ABCA13: variants seen among roughly 807,000 people sequenced by gnomAD.
ABCA13 encodes the protein ATP binding cassette subfamily A member 13.
A neutral mutation model predicts 478.7 loss-of-function variants in ABCA13; 476 were observed. That is an observed-to-expected ratio of 0.99 (90% CI 0.92 to 1.07). The LOEUF (loss-of-function observed/expected upper bound fraction) is 1.07. Ranked by LOEUF, ABCA13 falls within the 50% of genes least tolerant of loss-of-function variation. ABCA13 has a pLI of 0.00. For synonymous variants in ABCA13, 2,252 were observed against 2,158.9 expected (o/e 1.04, Z -1.20); for missense variants, 6,060 against 5,910.6 (o/e 1.03, Z -0.83).
chr7:48,602,563 G>A (rs879079572), intron 58 of ABCA13, among the ~76,000 whole-genome samples: 1 of 152,118 alleles, frequency 6.6e-6, no homozygotes, highest in Non-Finnish European at 1.5e-5. Flanking sequence ...TGAGGCCTCT[G>A]TTCTGTTCCC....
At chr7:48,402,344 A>G (rs1270012653) in intron 38 of ABCA13, among the ~76,000 whole-genome samples, 1 of 152,204 alleles carries the variant, frequency 6.6e-6, no homozygotes, top group African/African-American at 2.4e-5. Flanking sequence ...TAAGTTTAAT[A>G]GATCGACCTC....
intron 41 of ABCA13, among the ~76,000 whole-genome samples, chr7:48,422,736 G>C (rs997260463): frequency 1.3e-5 from 2 of 152,236 alleles, no homozygotes; most frequent in Non-Finnish European, 2.9e-5. Flanking sequence ...ACTGAAGCCT[G>C]TAAGTGTTAC....
chr7:48,352,546 G>C, intron 31 of ABCA13, 59 bp downstream of exon 31: 3 of 1,454,666 alleles, frequency 2.1e-6, no homozygotes, highest in Non-Finnish European at 2.7e-6. Flanking sequence ...TTGTCTAGCT[G>C]AGGAGAGAAA....
At position 48,273,048 on chromosome 7, in the gene ABCA13, T is replaced by C; in HGVS notation, c.3382T>C (p.Phe1128Leu). 6.2e-7 allele frequency: 1 copy of C among 1,613,680 alleles called. No individual in the cohort carries two copies. Residue 1128 changes from phenylalanine to leucine, a missense_variant, in exon 17 of 62, where the codon TTT becomes CTT. By Grantham distance (22) the Phe-to-Leu change is conservative. Coordinates refer to ENST00000435803, the MANE Select transcript of ABCA13 (RefSeq NM_152701.5). ...SSFVFPLAQI[F>L]SNLSANVSVF... is the part of the protein sequence containing the mutation. ...ATTTGTTTTTCCATTGGCACAAATT[T>C]TTTCAAACCTCTCAGCAAATGTCAG...
intron 38 of ABCA13, among the ~76,000 whole-genome samples, chr7:48,395,566 C>A (rs1164280480): frequency 6.6e-6 from 1 of 152,180 alleles, no homozygotes; most frequent in African/African-American, 2.4e-5. Flanking sequence ...CTCTGCCTGA[C>A]CTGCCTCAAC....
chr7:48,175,640 A>G (rs1371873947), intron 1 of ABCA13, among the ~76,000 whole-genome samples: 1 of 152,120 alleles, frequency 6.6e-6, no homozygotes, highest in Admixed American at 6.5e-5. Context: ...AGGCTTGCCT[A>G]GAACTCCTGA....
chr7:48,258,797 T>G (rs1261653800), intron 15 of ABCA13, among the ~76,000 whole-genome samples: 2 of 152,150 alleles, frequency 1.3e-5, no homozygotes, highest in African/African-American at 4.8e-5. Flanking sequence ...GTCCCAGAGA[T>G]TCTTTGTTGT....
intron 47 of ABCA13, 29 bp from the exon 48 acceptor site, chr7:48,489,207 G>A (rs370427184): frequency 1.9e-6 from 3 of 1,541,862 alleles, no homozygotes; most frequent in Non-Finnish European, 2.7e-6. Flanking sequence ...AATTTCGTGA[G>A]AGCCATTAAA....
intron 48 of ABCA13, among the ~76,000 whole-genome samples, chr7:48,505,939 C>G (rs924981883): frequency 1.3e-5 from 2 of 152,152 alleles, no homozygotes; most frequent in African/African-American, 2.4e-5. Context: ...GTGGCTTGAT[C>G]TAGAGGTGAA....
At chr7:48,192,144 G>T (rs1472671234) in intron 1 of ABCA13, among the ~76,000 whole-genome samples, 1 of 151,308 alleles carries the variant, frequency 6.6e-6, no homozygotes. Context: ...TATGACAATT[G>T]AGGCTTTTCT....
chr7:48,245,712 A>T, intron 12 of ABCA13, 100 bp downstream of exon 12: 2 of 1,437,344 alleles, frequency 1.4e-6, no homozygotes, highest in Non-Finnish European at 1.9e-6. Context: ...TGTGCTAGCT[A>T]AAAAAGGGAA....
intron 59 of ABCA13, among the ~76,000 whole-genome samples, chr7:48,617,346 A>G (rs975637020): frequency 6.6e-6 from 1 of 152,132 alleles, no homozygotes; most frequent in Non-Finnish European, 1.5e-5. Flanking sequence ...GTGAATAAGG[A>G]AGAGTAGGGT....
intron 15 of ABCA13, among the ~76,000 whole-genome samples, chr7:48,266,826 C>T (rs1794930057): frequency 6.6e-6 from 1 of 151,828 alleles, no homozygotes; most frequent in Admixed American, 6.6e-5. Context: ...TAATGGTATA[C>T]ATTTTCCCCT....
At chr7:48,328,795 T>C (rs967233672) in intron 27 of ABCA13, among the ~76,000 whole-genome samples, 3 of 152,058 alleles carry the variant, frequency 2.0e-5, no homozygotes, top group Non-Finnish European at 4.4e-5. Context: ...TCAAACTTAA[T>C]AGTAAGAGAA....
chr7:48,453,755 C>T (rs567102097), intron 42 of ABCA13, among the ~76,000 whole-genome samples: 4 of 152,264 alleles, frequency 2.6e-5, no homozygotes, highest in East Asian at 3.9e-4. Context: ...TCCTTGGTAC[C>T]GACTCTTTCC....
intron 55 of ABCA13, among the ~76,000 whole-genome samples, chr7:48,576,587 C>T (rs1788211108): frequency 6.6e-6 from 1 of 152,158 alleles, no homozygotes; most frequent in Non-Finnish European, 1.5e-5. Flanking sequence ...AAGACTGAGA[C>T]ATGATTGTGG....
At chr7:48,526,627 C>G (rs1399539208) in intron 54 of ABCA13, among the ~76,000 whole-genome samples, 1 of 152,162 alleles carries the variant, frequency 6.6e-6, no homozygotes, top group African/African-American at 2.4e-5. Flanking sequence ...GTATGGTAAG[C>G]CCATTCCTCC....
At position 48,272,510 on chromosome 7, in the gene ABCA13, AC is replaced by A; in HGVS notation, c.2845del (p.His949ThrfsTer2). On this transcript the variant is annotated frameshift_variant, in exon 17 of 62. Coordinates refer to ENST00000435803, the MANE Select transcript of ABCA13 (RefSeq NM_152701.5). LOFTEE classifies it high-confidence loss of function. ...QEVDKILTHI[H>X]LNVFQDKDSA... ...AAGTTGATAAAATTTTGACTCACAT[AC>A]ACCTAAATGTCTTCCAGGACAAGGA... The A allele has an allele frequency of 6.2e-7, 1 of 1,613,776 alleles. No homozygotes were observed. The highest frequency in any genetic ancestry group is 8.5e-7 in the Non-Finnish European group (1 of 1,179,750).
At chr7:48,307,345 GGTAA>G (rs775950673) in intron 23 of ABCA13, among the ~76,000 whole-genome samples, 37 of 152,092 alleles carry the variant, frequency 2.4e-4, no homozygotes, top group Non-Finnish European at 4.4e-4. Flanking sequence ...GTAACATCGT[GGTAA>G]GTATTTCTAT....
Sources: allele counts gnomAD v4.1 joint callset (sites outside exome capture counted in the v4.1 genomes callset), GRCh38; gene constraint gnomAD v4.1.1; transcripts MANE v1.5; gene names NCBI Gene and HGNC (gene_info 2026-07-23, HGNC 2026-07-21).